TNS1: variants seen among roughly 807,000 people sequenced by gnomAD.
TNS1 encodes tensin-1.
TNS1 carries 62 observed loss-of-function variants against 168.6 expected under a neutral mutation model. The ratio of observed to expected loss-of-function variants is 0.37; its 90% CI spans 0.30 to 0.45. The LOEUF is 0.45. TNS1 is among the 20% of genes least tolerant of loss of function. TNS1 has a pLI of 1.00. For missense variants in TNS1, 2,240 were observed against 2,339.4 expected (o/e 0.96, Z 0.88); for synonymous variants, 934 against 933.2 (o/e 1.00, Z -0.02).
chr2:217,983,657 G>A (rs138791454), intron 2 of TNS1, among the ~76,000 whole-genome samples: 34 of 152,276 alleles, frequency 2.2e-4, no homozygotes, highest in African/African-American at 7.0e-4. Flanking sequence ...GACTTGGGTC[G>A]GAAAATGAGC....
At chr2:217,823,820 C>T (rs983438751) in intron 22 of TNS1, among the ~76,000 whole-genome samples, 9 of 152,192 alleles carry the variant, frequency 5.9e-5, no homozygotes, top group East Asian at 5.8e-4. Flanking sequence ...CCAGGCACCT[C>T]GGCACCCAAA....
intron 3 of TNS1, among the ~76,000 whole-genome samples, chr2:217,963,275 G>A (rs888939342): frequency 6.6e-6 from 1 of 152,204 alleles, no homozygotes; most frequent in Admixed American, 6.5e-5. Context: ...AAACAGAACT[G>A]GCCCAGGGAT....
At chr2:217,858,438 A>G (rs1948424273) in intron 18 of TNS1, 2 of 860,626 alleles carry the variant, frequency 2.3e-6, no homozygotes, top group Non-Finnish European at 1.4e-6. Context: ...CAGATCCAGC[A>G]GAAAGCCACA....
chr2:217,953,244 G>C (rs1195381518), intron 3 of TNS1, among the ~76,000 whole-genome samples: 1 of 152,174 alleles, frequency 6.6e-6, no homozygotes. Context: ...CCTAGCAGAG[G>C]CTGGGGCGGA....
chr2:217,809,857 CAG>C lies in TNS1; in HGVS notation c.5237_5238del (p.Ser1746CysfsTer8), dbSNP rs760854282. 6.2e-7 allele frequency: 1 copy of C among 1,614,008 alleles called. No homozygotes were observed. The highest frequency in any genetic ancestry group is 8.5e-7 in the Non-Finnish European group (1 of 1,179,974). The part of the protein sequence containing the change: ...PAATIVHFKV[S>X]AQGITLTDNQ... ...TTGTCAGTCAGAGTGATTCCCTGGG[CAG>C]AGACTTTGAAGTGAACGATGGTGGC... On this transcript the variant is annotated frameshift_variant, in exon 30 of 33. Transcript: ENST00000682258. LOFTEE classifies it high-confidence loss of function.
intron 3 of TNS1, among the ~76,000 whole-genome samples, chr2:217,929,136 C>T (rs1286770013): frequency 6.6e-6 from 1 of 152,194 alleles, no homozygotes; most frequent in Non-Finnish European, 1.5e-5. Flanking sequence ...GGCCTCCCAG[C>T]CACTGAAGCC....
chr2:217,876,022 G>C (rs1950174267), intron 18 of TNS1, among the ~76,000 whole-genome samples: 1 of 152,174 alleles, frequency 6.6e-6, no homozygotes. Context: ...CTTTATCCCT[G>C]AGAAATCTAC....
At chr2:218,023,592 T>C (rs1958827968) in intron 1 of TNS1, among the ~76,000 whole-genome samples, 1 of 152,206 alleles carries the variant, frequency 6.6e-6, no homozygotes, top group Admixed American at 6.5e-5. Context: ...AAGAAACTGA[T>C]GTTTCTTGAG....
intron 1 of TNS1, among the ~76,000 whole-genome samples, chr2:217,994,568 A>G (rs1958434962): frequency 6.6e-6 from 1 of 152,160 alleles, no homozygotes; most frequent in African/African-American, 2.4e-5. Context: ...CCCTAGGGAT[A>G]TAGGCCTTCT....
chr2:218,004,015 T>A (rs1388220077), upstream of TNS1, among the ~76,000 whole-genome samples: 2 of 152,194 alleles, frequency 1.3e-5, no homozygotes, highest in Admixed American at 6.5e-5. Flanking sequence ...CAGGCCTTCA[T>A]TGTCTGGAAC....
intron 18 of TNS1, among the ~76,000 whole-genome samples, chr2:217,872,816 G>A (rs1395693285): frequency 6.6e-6 from 1 of 152,220 alleles, no homozygotes; most frequent in East Asian, 1.9e-4. Context: ...GTGATGTATG[G>A]ATAAACAAAA....
At chr2:218,008,578 A>G (rs1002561880) in intron 1 of TNS1, among the ~76,000 whole-genome samples, 1 of 152,230 alleles carries the variant, frequency 6.6e-6, no homozygotes, top group Non-Finnish European at 1.5e-5. Flanking sequence ...CCTGCCTCTC[A>G]GCCAATCCCT....
At chr2:217,944,403 T>C (rs2125953413) in intron 3 of TNS1, among the ~76,000 whole-genome samples, 1 of 152,120 alleles carries the variant, frequency 6.6e-6, no homozygotes, top group African/African-American at 2.4e-5. Flanking sequence ...CAAGACTCTA[T>C]AGAAAAGACG....
chr2:218,020,423 CAG>C (rs1958797363), intron 1 of TNS1, among the ~76,000 whole-genome samples: 1 of 152,088 alleles, frequency 6.6e-6, no homozygotes, highest in African/African-American at 2.4e-5. Context: ...CCTCTGACAA[CAG>C]TGTCAAAATT....
intron 1 of TNS1, among the ~76,000 whole-genome samples, chr2:218,027,022 G>A (rs1958854298): frequency 6.6e-6 from 1 of 152,160 alleles, no homozygotes; most frequent in Non-Finnish European, 1.5e-5. Flanking sequence ...GGAAGTCAGG[G>A]AGGAGGAAGG....
intron 1 of TNS1, among the ~76,000 whole-genome samples, chr2:218,018,841 G>C (rs776733961): frequency 3.9e-5 from 6 of 152,216 alleles, no homozygotes; most frequent in Non-Finnish European, 5.9e-5. Context: ...CACTTTGGGA[G>C]GCCAAGGCAG....
chr2:217,916,197 G>A (rs1954983481), intron 4 of TNS1, among the ~76,000 whole-genome samples: 1 of 152,158 alleles, frequency 6.6e-6, no homozygotes, highest in Non-Finnish European at 1.5e-5. Context: ...TTACTATTAT[G>A]AGTGAAACCA....
chr2:217,973,624 C>T (rs11674313), intron 3 of TNS1, among the ~76,000 whole-genome samples: 42,605 of 152,012 alleles, frequency 0.28, 6,538 homozygotes, highest in East Asian at 0.49. Context: ...TCCTCACCTG[C>T]TCCCTGCCCA....
At chr2:217,958,028 C>T (rs1371922701) in intron 3 of TNS1, among the ~76,000 whole-genome samples, 3 of 151,454 alleles carry the variant, frequency 2.0e-5, no homozygotes, top group Non-Finnish European at 2.9e-5. Flanking sequence ...CACACACACA[C>T]AAAAGGAGGA....
Sources: allele counts gnomAD v4.1 joint callset (sites outside exome capture counted in the v4.1 genomes callset), GRCh38; gene constraint gnomAD v4.1.1; transcripts MANE v1.5; gene names NCBI Gene and HGNC (gene_info 2026-07-23, HGNC 2026-07-21).